Variants in GRID2 observed in about 807,000 individuals in gnomAD.
GRID2 encodes glutamate ionotropic receptor delta type subunit 2.
In GRID2, 33 loss-of-function variants were observed where a neutral mutation model predicts 114.8. The ratio of observed to expected loss-of-function variants is 0.29; its 90% CI spans 0.22 to 0.38. GRID2 has a LOEUF of 0.38. GRID2 is among the 10% of genes least tolerant of loss of function. GRID2 has a pLI of 1.00. For missense variants in GRID2, 1,184 were observed against 1,257.7 expected, an observed-to-expected ratio of 0.94 and a Z score of 0.89; for synonymous variants, 505 against 449.9, an observed-to-expected ratio of 1.12 and a Z score of -1.55.
intron 4 of GRID2, among the ~76,000 whole-genome samples, chr4:93,126,584 CTTTTTTT>C (rs60017147): frequency 0.031 from 1,641 of 52,470 alleles, 2 homozygotes; most frequent in South Asian, 0.047. Context: ...CTATTTAATT[CTTTTTTT>C]TTTTTTTTTT....
intron 11 of GRID2, among the ~76,000 whole-genome samples, chr4:93,464,251 A>G (rs189919849): frequency 1.5e-4 from 23 of 152,254 alleles, no homozygotes; most frequent in African/African-American, 5.1e-4. Flanking sequence ...TGAAAATTCA[A>G]TTTCTGTTTG....
chr4:93,808,241 A>G (rs1735068951), exon 2 of GRID2: 1 of 152,234 alleles, frequency 6.6e-6, no homozygotes, highest in South Asian at 2.1e-4. Flanking sequence ...CTATAAAGTC[A>G]AAAGACAGAG....
At chr4:93,228,338 A>G (rs1745737800) in intron 7 of GRID2, among the ~76,000 whole-genome samples, 1 of 152,176 alleles carries the variant, frequency 6.6e-6, no homozygotes, top group Admixed American at 6.6e-5. Flanking sequence ...CTCTTGTGAC[A>G]ATTAACCCAT....
At chr4:92,470,841 A>C (rs546206629) in intron 1 of GRID2, among the ~76,000 whole-genome samples, 1 of 152,072 alleles carries the variant, frequency 6.6e-6, no homozygotes, top group Non-Finnish European at 1.5e-5. Flanking sequence ...AGAATAATAT[A>C]TATGATTTTT....
chr4:93,311,518 T>C (rs962355650), intron 8 of GRID2, among the ~76,000 whole-genome samples: 12 of 152,114 alleles, frequency 7.9e-5, no homozygotes, highest in Non-Finnish European at 1.6e-4. Flanking sequence ...TAGTTAGATA[T>C]ATGTATAGCA....
chr4:92,864,573 C>T (rs1035663628), intron 2 of GRID2, among the ~76,000 whole-genome samples: 6 of 152,182 alleles, frequency 3.9e-5, no homozygotes, highest in Non-Finnish European at 7.4e-5. Context: ...ACATTTATAG[C>T]AACAAAATAC....
chr4:93,567,227 T>C (rs1404268382), intron 13 of GRID2, among the ~76,000 whole-genome samples: 1 of 152,236 alleles, frequency 6.6e-6, no homozygotes, highest in Non-Finnish European at 1.5e-5. Context: ...TTATAGTAAA[T>C]TTAAATCTGA....
intron 1 of GRID2, among the ~76,000 whole-genome samples, chr4:92,314,848 G>A (rs572026461): frequency 3.3e-5 from 5 of 152,214 alleles, no homozygotes; most frequent in African/African-American, 7.2e-5. Context: ...GATACTCAAC[G>A]TGTAGTAATT....
intron 1 of GRID2, among the ~76,000 whole-genome samples, chr4:92,317,476 G>C (rs1726055561): frequency 6.6e-6 from 1 of 152,226 alleles, no homozygotes; most frequent in South Asian, 2.1e-4. Context: ...TTCTCCACAA[G>C]AGTTCATGCT....
intron 2 of GRID2, among the ~76,000 whole-genome samples, chr4:92,990,333 T>C (rs1754809812): frequency 6.7e-6 from 1 of 148,294 alleles, no homozygotes; most frequent in South Asian, 2.1e-4. Flanking sequence ...GTGTGTATAA[T>C]TTTTTTTGAG....
At chr4:92,975,990 A>G (rs1243088885) in intron 2 of GRID2, among the ~76,000 whole-genome samples, 2 of 152,150 alleles carry the variant, frequency 1.3e-5, no homozygotes, top group Non-Finnish European at 2.9e-5. Context: ...ATTGAACTGC[A>G]TACAAGTGCT....
chr4:92,502,996 A>T (rs1723764651), intron 1 of GRID2, among the ~76,000 whole-genome samples: 2 of 151,884 alleles, frequency 1.3e-5, no homozygotes, highest in Non-Finnish European at 2.9e-5. Flanking sequence ...GATTACAGAC[A>T]TGCCATATGA....
At chr4:92,719,489 T>C (rs1037077306) in intron 2 of GRID2, among the ~76,000 whole-genome samples, 2 of 152,306 alleles carry the variant, frequency 1.3e-5, no homozygotes, top group East Asian at 1.9e-4. Flanking sequence ...TGAAGGTACA[T>C]TATGTTTAGA....
intron 10 of GRID2, among the ~76,000 whole-genome samples, chr4:93,445,068 T>A (rs911958042): frequency 1.3e-5 from 2 of 151,998 alleles, no homozygotes; most frequent in Non-Finnish European, 2.9e-5. Context: ...GCCAATGATA[T>A]TTAAGCAGAA....
intron 8 of GRID2, among the ~76,000 whole-genome samples, chr4:93,253,764 C>A (rs1297064507): frequency 6.6e-6 from 1 of 151,988 alleles, no homozygotes; most frequent in Admixed American, 6.6e-5. Context: ...CTGAAGGACC[C>A]TTTTTCAAGG....
At chr4:93,112,457 G>T (rs967589147) in intron 4 of GRID2, among the ~76,000 whole-genome samples, 1 of 152,050 alleles carries the variant, frequency 6.6e-6, no homozygotes, top group African/African-American at 2.4e-5. Context: ...AGATCTGATT[G>T]TTTAAATGTG....
At chr4:92,806,166 G>GAC (rs56070810) in intron 2 of GRID2, among the ~76,000 whole-genome samples, 24,789 of 133,112 alleles carry the variant, frequency 0.19, 2,195 homozygotes, top group Middle Eastern at 0.27. Context: ...ATAGGCTATC[G>GAC]ACACACACAC....
chr4:93,467,544 A>ATAAAT (rs1724412637), intron 11 of GRID2, among the ~76,000 whole-genome samples: 1 of 152,186 alleles, frequency 6.6e-6, no homozygotes, highest in Non-Finnish European at 1.5e-5. Context: ...ATATCATTAT[A>ATAAAT]GTCTCTTCTA....
chr4:92,773,270 A>AC (rs1181797333), intron 2 of GRID2, among the ~76,000 whole-genome samples: 1 of 152,212 alleles, frequency 6.6e-6, no homozygotes, highest in Admixed American at 6.5e-5. Flanking sequence ...TGAAAGAAAA[A>AC]TGGAAGAAAT....
Sources: gnomAD v4.1 joint callset for allele counts (sites outside exome capture counted in the v4.1 genomes callset) on GRCh38, gnomAD v4.1.1 for gene constraint, MANE v1.5 for transcripts, NCBI Gene and HGNC (gene_info 2026-07-23, HGNC 2026-07-21) for gene names.